The following KIAA0825 variants were observed in gnomAD, a reference collection of about 807,000 sequenced individuals.
The protein encoded by KIAA0825 is uncharacterized protein KIAA0825.
KIAA0825 carries 119 observed loss-of-function variants against 147.6 expected under a neutral mutation model. That is an observed-to-expected ratio of 0.81 (90% CI 0.69 to 0.94). The LOEUF is 0.94. Among genes scored for constraint, KIAA0825 ranks in the 40% least tolerant of loss-of-function variants. The pLI is 0.00. For synonymous variants in KIAA0825, 470 were observed against 518.1 expected (o/e 0.91, Z 1.26); for missense variants, 1,381 against 1,472.7 (o/e 0.94, Z 1.02).
At chr5:94,486,119 C>A (rs1763027570) in intron 5 of KIAA0825, among the ~76,000 whole-genome samples, 1 of 151,672 alleles carries the variant, frequency 6.6e-6, no homozygotes, top group Non-Finnish European at 1.5e-5. Context: ...TCTTTTTGAC[C>A]AAGTTTTAAA....
intron 14 of KIAA0825, among the ~76,000 whole-genome samples, chr5:94,434,118 G>C (rs1756041507): frequency 1.3e-5 from 2 of 152,168 alleles, no homozygotes; most frequent in Admixed American, 1.3e-4. Flanking sequence ...GATTTAAGAT[G>C]ACCTAACTTA....
Position 94,469,946 on chromosome 5 carries a change from A to G in KIAA0825, c.1872+15T>C. The stretch of plus-strand genomic sequence containing the variant: ...ATTTGTGTAAAAAGGAGGGATAGTA[A>G]ACTTAACTTCACACCTCATAAAAAG... On this transcript the variant is annotated intron_variant, in intron 10 of 20. Coordinates refer to ENST00000682413, the MANE Select transcript of KIAA0825 (RefSeq NM_001145678.3). 6.5e-7 allele frequency: 1 copy of G among 1,533,076 alleles called. No homozygotes were observed. Among genetic ancestry groups the G allele is most frequent in the Non-Finnish European group, 8.8e-7 (1 of 1,136,502 alleles). 95.0% of individuals were successfully genotyped at this position (1,533,076 alleles called of 1,614,324 possible). A position where few individuals can be genotyped will look rare whatever the true frequency, so the allele number is the denominator to read the frequency against.
intron 20 of KIAA0825, among the ~76,000 whole-genome samples, chr5:94,315,514 G>A (rs1779574715): frequency 6.6e-6 from 1 of 151,606 alleles, no homozygotes; most frequent in African/African-American, 2.4e-5. Flanking sequence ...TACTGAGCAT[G>A]AGAAAAAGGG....
At chr5:94,514,955 T>C (rs1041413121) in intron 5 of KIAA0825, among the ~76,000 whole-genome samples, 6 of 152,210 alleles carry the variant, frequency 3.9e-5, no homozygotes, top group African/African-American at 1.4e-4. Flanking sequence ...CCACTGCAGA[T>C]TTTAGGAATC....
chr5:94,504,227 T>C (rs529383698), intron 5 of KIAA0825, among the ~76,000 whole-genome samples: 5 of 152,310 alleles, frequency 3.3e-5, no homozygotes, highest in African/African-American at 1.2e-4. Flanking sequence ...ATAAAGGCTG[T>C]CTTAGCCTTA....
At chr5:94,557,791 C>A (rs1303864221) in intron 2 of KIAA0825, among the ~76,000 whole-genome samples, 1 of 152,168 alleles carries the variant, frequency 6.6e-6, no homozygotes, top group South Asian at 2.1e-4. Flanking sequence ...TCTTTGGGTC[C>A]CCTCCCTTTG....
chr5:94,387,934 T>C (rs532834599), intron 18 of KIAA0825, among the ~76,000 whole-genome samples: 1 of 152,272 alleles, frequency 6.6e-6, no homozygotes, highest in African/African-American at 2.4e-5. Context: ...AAATTTTATA[T>C]TATAAAACCC....
intron 1 of KIAA0825, chr5:94,593,584 T>A (rs1258733392): frequency 7.4e-6 from 4 of 542,970 alleles, no homozygotes; most frequent in Non-Finnish European, 1.4e-5. Context: ...ACAACTTAAA[T>A]CAACTATGTT....
intron 20 of KIAA0825, among the ~76,000 whole-genome samples, chr5:94,252,787 C>T (rs1218852011): frequency 6.6e-6 from 1 of 152,010 alleles, no homozygotes; most frequent in Admixed American, 6.6e-5. Context: ...TGAATGCTTA[C>T]ATACCTAGCA....
chr5:94,542,627 C>T (rs1584835146), intron 2 of KIAA0825, among the ~76,000 whole-genome samples: 1 of 151,950 alleles, frequency 6.6e-6, no homozygotes, highest in Non-Finnish European at 1.5e-5. Flanking sequence ...GTCAAAATGG[C>T]AAAACTCCGT....
At position 94,403,720 on chromosome 5, in the gene KIAA0825, GT is replaced by G; in HGVS notation, c.2735del (p.Asp912AlafsTer6). The G allele has an allele frequency of 1.9e-6, 3 of 1,551,554 alleles. No individual in the cohort carries two copies. Among genetic ancestry groups the G allele is most frequent in the Non-Finnish European group, 2.6e-6 (3 of 1,146,902 alleles). ...TTACAGATACTATCTGCTGTACAGTGTCCTTGATGGCATCGGTCAGTGCCAG... is the reference window on the plus strand; with the variant it reads ...TTACAGATACTATCTGCTGTACAGTGCCTTGATGGCATCGGTCAGTGCCAG... ...LRLALTDAIK[D>X]TVQQIVSVMS... On this transcript the variant is annotated frameshift_variant, in exon 16 of 21. Coordinates refer to ENST00000682413, the MANE Select transcript of KIAA0825 (RefSeq NM_001145678.3). LOFTEE classifies it high-confidence loss of function.
chr5:94,489,756 T>G (rs1763498274), intron 5 of KIAA0825, among the ~76,000 whole-genome samples: 6 of 151,254 alleles, frequency 4.0e-5, no homozygotes, highest in Admixed American at 4.0e-4. Flanking sequence ...CGTGGTGGTG[T>G]GCACCTGTAG....
At chr5:94,483,622 G>C (rs1253671222) in intron 6 of KIAA0825, among the ~76,000 whole-genome samples, 2 of 151,154 alleles carry the variant, frequency 1.3e-5, no homozygotes, top group Non-Finnish European at 3.0e-5. Flanking sequence ...GAAATCTATA[G>C]TCCATCTTTA....
chr5:94,154,012 G>A lies in KIAA0825; in HGVS notation c.3823C>T (p.Gln1275Ter). The A allele has an allele frequency of 6.5e-7, 1 of 1,545,470 alleles. No homozygotes were observed. Among genetic ancestry groups the A allele is most frequent in the Non-Finnish European group, 8.8e-7 (1 of 1,141,378 alleles). Residue 1275 changes from glutamine (Q) to a stop codon, truncating the protein, a stop_gained, in exon 21 of 21, where the codon CAG becomes TAG. Coordinates refer to ENST00000682413, the MANE Select transcript of KIAA0825 (RefSeq NM_001145678.3). LOFTEE classifies it high-confidence loss of function. ...NSSASDNIEE[Q>*] ...CTGTTGCTGTTTTCTGCAGATTACT[G>A]TTCCTCTATGTTATCTGAGGCAGAA...
intron 20 of KIAA0825, among the ~76,000 whole-genome samples, chr5:94,315,040 T>C (rs1415090542): frequency 2.0e-5 from 3 of 151,588 alleles, no homozygotes; most frequent in Non-Finnish European, 4.4e-5. Context: ...TAGCTAGGGA[T>C]CTCTTGAAAA....
chr5:94,468,201 G>A (rs894734181), intron 10 of KIAA0825, among the ~76,000 whole-genome samples: 3 of 152,124 alleles, frequency 2.0e-5, no homozygotes, highest in African/African-American at 7.2e-5. Flanking sequence ...TCAATAACAG[G>A]TTCTCAATGC....
chr5:94,496,331 T>C (rs1189728324), intron 5 of KIAA0825, among the ~76,000 whole-genome samples: 1 of 152,228 alleles, frequency 6.6e-6, no homozygotes, highest in East Asian at 1.9e-4. Context: ...TACTCTGCGC[T>C]ACAATGGCAA....
intron 20 of KIAA0825, among the ~76,000 whole-genome samples, chr5:94,268,681 T>C (rs1776847796): frequency 6.6e-6 from 1 of 152,110 alleles, no homozygotes; most frequent in Admixed American, 6.6e-5. Context: ...ATCTATTGAG[T>C]TACACCTGCA....
At chr5:94,189,942 T>C (rs1349995066) in intron 20 of KIAA0825, among the ~76,000 whole-genome samples, 1 of 152,180 alleles carries the variant, frequency 6.6e-6, no homozygotes, top group Non-Finnish European at 1.5e-5. Context: ...TACCTTTTAC[T>C]TTTTTTGCAA....
Sources: allele counts gnomAD v4.1 joint callset (sites outside exome capture counted in the v4.1 genomes callset), GRCh38; gene constraint gnomAD v4.1.1; transcripts MANE v1.5; gene names NCBI Gene and HGNC (gene_info 2026-07-23, HGNC 2026-07-21).